Variants in TSG101 observed in about 807,000 individuals in gnomAD.
The protein encoded by TSG101 is tumor susceptibility 101, also known as tumor susceptibility gene 101 protein.
TSG101 carries 19 observed loss-of-function variants against 48.5 expected under a neutral mutation model. That is an observed-to-expected ratio of 0.39 (90% CI 0.27 to 0.58). TSG101 has a LOEUF of 0.58. Among genes scored for constraint, TSG101 ranks in the 20% least tolerant of loss-of-function variants. The probability of loss-of-function intolerance (pLI) is 0.55; values close to 1 mark genes in which losing one functional copy is unlikely to be tolerated. For missense variants in TSG101, 365 were observed against 484.4 expected (o/e 0.75, Z 2.31); for synonymous variants, 174 against 169.4 (o/e 1.03, Z -0.21).
At chr11:18,503,372 T>TC (rs1849918725) in intron 6 of TSG101, among the ~76,000 whole-genome samples, 1 of 141,956 alleles carries the variant, frequency 7.0e-6, no homozygotes, top group Non-Finnish European at 1.5e-5. Context: ...CAGGTTAAAT[T>TC]TTTTTTTTTT....
At chr11:18,524,131 T>C (rs1001913356) in intron 1 of TSG101, among the ~76,000 whole-genome samples, 9 of 152,324 alleles carry the variant, frequency 5.9e-5, no homozygotes, top group African/African-American at 2.2e-4. Flanking sequence ...ACTGTGCCTC[T>C]AGAAATGCTG....
intron 9 of TSG101, chr11:18,481,250 ACT>A (rs1849534001): frequency 5.1e-6 from 5 of 979,796 alleles, no homozygotes; most frequent in African/African-American, 3.5e-5. Context: ...AAGTTATATA[ACT>A]CTAAGAAAAT....
intron 9 of TSG101, chr11:18,481,195 G>T: frequency 2.6e-6 from 2 of 769,482 alleles, no homozygotes; most frequent in Non-Finnish European, 3.2e-6. Flanking sequence ...ATACAAGAGG[G>T]CTTGAAAGGG....
chr11:18,522,852 T>C (rs1284663861), intron 1 of TSG101, among the ~76,000 whole-genome samples: 2 of 152,182 alleles, frequency 1.3e-5, no homozygotes, highest in African/African-American at 4.8e-5. Context: ...TTTGCATTTG[T>C]TTTTCCTTCC....
At chr11:18,485,962 C>G (rs1001723042) in intron 7 of TSG101, among the ~76,000 whole-genome samples, 10 of 152,116 alleles carry the variant, frequency 6.6e-5, no homozygotes, top group African/African-American at 2.2e-4. Flanking sequence ...GTTTGCCCAC[C>G]CTTTCCCATT....
intron 7 of TSG101, among the ~76,000 whole-genome samples, chr11:18,484,500 A>AG (rs1240916582): frequency 6.6e-6 from 1 of 152,250 alleles, no homozygotes; most frequent in Non-Finnish European, 1.5e-5. Context: ...TGTAGAGGCC[A>AG]GTGAGAGGAC....
intron 1 of TSG101, 57 bp from the exon 2 acceptor site, chr11:18,519,660 CTGGA>C (rs72031390): frequency 0.048 from 62,823 of 1,297,406 alleles, 2,509 homozygotes; most frequent in East Asian, 0.19. Context: ...TATTTTACAG[CTGGA>C]TGAATTTTCT....
At chr11:18,523,559 G>C (rs1302762925) in intron 1 of TSG101, among the ~76,000 whole-genome samples, 1 of 152,126 alleles carries the variant, frequency 6.6e-6, no homozygotes, top group Admixed American at 6.6e-5. Flanking sequence ...CTGGAGTGCA[G>C]TGGCGTGATC....
intron 6 of TSG101, among the ~76,000 whole-genome samples, chr11:18,503,799 AC>A (rs1318279465): frequency 6.6e-6 from 1 of 152,182 alleles, no homozygotes; most frequent in Non-Finnish European, 1.5e-5. Context: ...TAGGATGATT[AC>A]TGGCCACCTG....
At chr11:18,497,365 T>A (rs1462118088) in intron 7 of TSG101, among the ~76,000 whole-genome samples, 1 of 152,196 alleles carries the variant, frequency 6.6e-6, no homozygotes, top group African/African-American at 2.4e-5. Context: ...TTAAAGGATA[T>A]CCTAAATTAT....
intron 6 of TSG101, among the ~76,000 whole-genome samples, chr11:18,504,100 C>T (rs769272555): frequency 7.4e-5 from 11 of 149,298 alleles, no homozygotes; most frequent in Non-Finnish European, 1.5e-4. Context: ...ACTTGGGAGG[C>T]TGAAGTTGAA....
chr11:18,488,994 A>G (rs535448086), intron 7 of TSG101, among the ~76,000 whole-genome samples: 3 of 152,138 alleles, frequency 2.0e-5, no homozygotes, highest in Admixed American at 1.3e-4. Context: ...GCGTGCCTGT[A>G]GTCCCAGCTA....
At chr11:18,525,604 A>G in intron 1 of TSG101, 1 of 820,208 alleles carries the variant, frequency 1.2e-6, no homozygotes, top group Non-Finnish European at 1.5e-6. Context: ...ACTATGTAAA[A>G]CAATATACCG....
At chr11:18,511,533 G>A (rs899071623) in intron 4 of TSG101, 2 of 152,168 alleles carry the variant, frequency 1.3e-5, no homozygotes, top group Non-Finnish European at 2.9e-5. Context: ...TGTGGCTGGT[G>A]TGTGTGGGGA....
chr11:18,490,717 C>G (rs1251371634), intron 7 of TSG101: 1 of 461,022 alleles, frequency 2.2e-6, no homozygotes, highest in Non-Finnish European at 4.3e-6. Context: ...TCTCATGCTA[C>G]TCTCTCCCCA....
chr11:18,516,216 A>T, intron 2 of TSG101, 52 bp from the exon 3 acceptor site: 1 of 1,507,620 alleles, frequency 6.6e-7, no homozygotes, highest in Non-Finnish European at 9.2e-7. Context: ...AGATACTCCC[A>T]TAAGTTATTC....
chr11:18,526,768 G>C lies in TSG101; in HGVS notation c.42+7C>G, dbSNP rs777480451. 6.2e-7 allele frequency: 1 copy of C among 1,601,450 alleles called. No homozygotes were observed. The highest frequency in any genetic ancestry group is 8.5e-7 in the Non-Finnish European group (1 of 1,179,448). ...CGCCCTGGGAGGCGAGCGCGTCGCA[G>C]CCTCACCTTGGACACCATTTTCTTG... On this transcript the variant is annotated splice_region_variant and intron_variant, in intron 1 of 9. Transcript: ENST00000251968.
At chr11:18,489,583 A>G (rs1281653815) in intron 7 of TSG101, among the ~76,000 whole-genome samples, 1 of 152,226 alleles carries the variant, frequency 6.6e-6, no homozygotes, top group African/African-American at 2.4e-5. Flanking sequence ...GTGTTATATG[A>G]GCACTTGGAC....
intron 7 of TSG101, among the ~76,000 whole-genome samples, chr11:18,487,027 C>A (rs1485756611): frequency 8.7e-5 from 13 of 150,140 alleles, no homozygotes; most frequent in African/African-American, 9.8e-5. Flanking sequence ...GACAAAAAAA[C>A]CAAACACTGC....
Sources: allele counts gnomAD v4.1 joint callset (sites outside exome capture counted in the v4.1 genomes callset), GRCh38; gene constraint gnomAD v4.1.1; transcripts MANE v1.5; gene names NCBI Gene and HGNC (gene_info 2026-07-23, HGNC 2026-07-21).